GBE1: variants seen among roughly 807,000 people sequenced by gnomAD.
GBE1 encodes 1,4-alpha-glucan-branching enzyme.
Under a neutral mutation model 88.8 loss-of-function variants are expected in GBE1, and 70 were observed. That is an observed-to-expected ratio of 0.79 (90% confidence interval 0.65 to 0.96). GBE1 has a LOEUF of 0.96. Among genes scored for constraint, GBE1 ranks in the 40% least tolerant of loss-of-function variants. GBE1 has a pLI of 0.00. For missense variants in GBE1, 872 were observed against 871.0 expected, an observed-to-expected ratio of 1.00 and a Z score of -0.01; for synonymous variants, 284 against 300.1, an observed-to-expected ratio of 0.95 and a Z score of 0.56.
intron 2 of GBE1, among the ~76,000 whole-genome samples, chr3:81,681,871 T>G (rs1245663793): frequency 6.6e-6 from 1 of 152,170 alleles, no homozygotes; most frequent in Non-Finnish European, 1.5e-5. Context: ...CTTTGTAATC[T>G]CTGTTCTTTA....
intron 1 of GBE1, among the ~76,000 whole-genome samples, chr3:81,721,540 C>A (rs1430047716): frequency 6.6e-6 from 1 of 152,108 alleles, no homozygotes; most frequent in Non-Finnish European, 1.5e-5. Flanking sequence ...ATGGGTCAAC[C>A]TTTCCCAAGA....
At chr3:81,629,430 T>C (rs562070032) in intron 7 of GBE1, among the ~76,000 whole-genome samples, 1 of 152,102 alleles carries the variant, frequency 6.6e-6, no homozygotes, top group African/African-American at 2.4e-5. Context: ...GTCTATTACA[T>C]GTTTAATTTC....
chr3:81,663,896 G>A (rs1343757236), intron 3 of GBE1, among the ~76,000 whole-genome samples: 1 of 152,060 alleles, frequency 6.6e-6, no homozygotes, highest in Non-Finnish European at 1.5e-5. Context: ...CCATTTCAAT[G>A]TCATCATTAA....
At chr3:81,624,979 C>T (rs1460188367) in intron 7 of GBE1, among the ~76,000 whole-genome samples, 1 of 151,918 alleles carries the variant, frequency 6.6e-6, no homozygotes, top group Admixed American at 6.6e-5. Flanking sequence ...AAAGAGCCAA[C>T]CACAGGGAAG....
intron 1 of GBE1, among the ~76,000 whole-genome samples, chr3:81,760,719 T>C (rs1706666144): frequency 6.6e-6 from 1 of 152,214 alleles, no homozygotes; most frequent in Admixed American, 6.5e-5. Context: ...AAAAGTTGCT[T>C]TCCTGACCTT....
chr3:81,730,396 C>A (rs1404038646), intron 1 of GBE1, among the ~76,000 whole-genome samples: 2 of 152,176 alleles, frequency 1.3e-5, no homozygotes, highest in Admixed American at 6.6e-5. Context: ...GGGACTAGCC[C>A]TTTTCACTGT....
At chr3:81,723,511 A>G (rs927506685) in intron 1 of GBE1, among the ~76,000 whole-genome samples, 3 of 152,076 alleles carry the variant, frequency 2.0e-5, no homozygotes, top group Non-Finnish European at 2.9e-5. Flanking sequence ...TTCACCTTAG[A>G]TTTTTTTCTT....
At chr3:81,644,697 T>C (rs1468459540) in intron 6 of GBE1, among the ~76,000 whole-genome samples, 1 of 152,080 alleles carries the variant, frequency 6.6e-6, no homozygotes, top group African/African-American at 2.4e-5. Context: ...AAATTGACCA[T>C]TAATTGGTAG....
At chr3:81,535,089 T>C (rs1273655783) in intron 14 of GBE1, 106 bp downstream of exon 14, 1 of 1,026,810 alleles carries the variant, frequency 9.7e-7, no homozygotes, top group Non-Finnish European at 1.4e-6. Context: ...GGAAAATGAA[T>C]GTTTCTGTCA....
intron 1 of GBE1, among the ~76,000 whole-genome samples, chr3:81,713,589 A>C (rs1705901522): frequency 6.6e-6 from 1 of 152,226 alleles, no homozygotes; most frequent in Non-Finnish European, 1.5e-5. Flanking sequence ...ACGATTAAGC[A>C]CAGATATTGG....
intron 1 of GBE1, among the ~76,000 whole-genome samples, chr3:81,732,461 C>G (rs112600918): frequency 3.7e-4 from 57 of 152,244 alleles, no homozygotes; most frequent in Non-Finnish European, 6.9e-4. Flanking sequence ...GTCCCTATAT[C>G]TAACTAAATG....
intron 12 of GBE1, among the ~76,000 whole-genome samples, chr3:81,568,610 T>C (rs1703529317): frequency 6.6e-6 from 1 of 152,212 alleles, no homozygotes; most frequent in Non-Finnish European, 1.5e-5. Context: ...CAATTCCTAG[T>C]ACGGAATGTG....
chr3:81,549,512 T>C (rs569279976), intron 12 of GBE1, among the ~76,000 whole-genome samples: 4 of 151,250 alleles, frequency 2.6e-5, no homozygotes, highest in Middle Eastern at 3.4e-3. Flanking sequence ...ACTGGCCTCA[T>C]ACCTTGTCTA....
At chr3:81,660,931 A>G (rs1424566234) in intron 3 of GBE1, among the ~76,000 whole-genome samples, 2 of 152,214 alleles carry the variant, frequency 1.3e-5, no homozygotes, top group Non-Finnish European at 2.9e-5. Flanking sequence ...ATTTGAAGGT[A>G]TACTTGGTCA....
chr3:81,715,873 A>C (rs1230864449), intron 1 of GBE1, among the ~76,000 whole-genome samples: 1 of 152,174 alleles, frequency 6.6e-6, no homozygotes, highest in Non-Finnish European at 1.5e-5. Context: ...GATCTCATTT[A>C]GTTGTAAATT....
chr3:81,515,219 T>G (rs755540215), intron 14 of GBE1, among the ~76,000 whole-genome samples: 1 of 151,586 alleles, frequency 6.6e-6, no homozygotes, highest in Non-Finnish European at 1.5e-5. Context: ...CAATAGCATG[T>G]GTTCACTTTG....
At chr3:81,658,313 C>CA (rs1704971966) in intron 3 of GBE1, among the ~76,000 whole-genome samples, 1 of 151,526 alleles carries the variant, frequency 6.6e-6, no homozygotes, top group African/African-American at 2.4e-5. Flanking sequence ...CCAGTTTATA[C>CA]AAAACTTTGG....
At chr3:81,671,557 C>T (rs1483620913) in intron 2 of GBE1, among the ~76,000 whole-genome samples, 3 of 152,048 alleles carry the variant, frequency 2.0e-5, no homozygotes, top group Non-Finnish European at 4.4e-5. Flanking sequence ...CATTAAAAAC[C>T]AGTGAGTAAA....
chr3:81,740,077 C>T (rs913431458), intron 1 of GBE1, among the ~76,000 whole-genome samples: 3 of 151,846 alleles, frequency 2.0e-5, no homozygotes, highest in African/African-American at 7.3e-5. Context: ...ATTTAAAAAT[C>T]AGCCAGGAGC....
Sources: gnomAD v4.1 joint callset for allele counts (sites outside exome capture counted in the v4.1 genomes callset) on GRCh38, gnomAD v4.1.1 for gene constraint, MANE v1.5 for transcripts, NCBI Gene and HGNC (gene_info 2026-07-23, HGNC 2026-07-21) for gene names.